HYDIN: variants seen among roughly 807,000 people sequenced by gnomAD.
HYDIN encodes the protein axonemal central pair apparatus protein HYDIN.
A neutral mutation model predicts 403.9 loss-of-function variants in HYDIN; 132 were observed. The observed-to-expected ratio is 0.33, with a 90% confidence interval of 0.28 to 0.38. The LOEUF is 0.38. HYDIN is among the 10% of genes least tolerant of loss of function. The pLI, the probability that HYDIN is intolerant of heterozygous loss-of-function variation, is 1.00. For synonymous variants in HYDIN, 1,202 were observed against 1,891.7 expected, an observed-to-expected ratio of 0.64 and a Z score of 9.46; for missense variants, 2,827 against 5,009.5, an observed-to-expected ratio of 0.56 and a Z score of 13.15.
At chr16:71,175,977 T>C (rs570185311) in intron 4 of HYDIN, 16 of 522,262 alleles carry the variant, frequency 3.1e-5, no homozygotes, top group East Asian at 2.9e-4. Flanking sequence ...TTTATTATTA[T>C]TACAAGTCTT....
chr16:71,224,807 C>T (rs977973096), intron 1 of HYDIN, among the ~76,000 whole-genome samples: 9 of 151,974 alleles, frequency 5.9e-5, no homozygotes, highest in Non-Finnish European at 8.8e-5. Context: ...GTGATCCGCC[C>T]GCCTCGGCCT....
intron 44 of HYDIN, among the ~76,000 whole-genome samples, chr16:70,936,966 G>A (rs1218407687): frequency 1.3e-5 from 2 of 151,034 alleles, no homozygotes; most frequent in East Asian, 1.9e-4. Flanking sequence ...CCCTGCTGCT[G>A]ACAGCAGAGA....
At chr16:71,033,163 A>C (rs1008553785) in intron 18 of HYDIN, among the ~76,000 whole-genome samples, 2 of 152,000 alleles carry the variant, frequency 1.3e-5, no homozygotes, top group African/African-American at 4.8e-5. Context: ...CATTAGTGAG[A>C]CCAATATTTC....
intron 21 of HYDIN, among the ~76,000 whole-genome samples, chr16:71,021,648 T>C (rs2080499169): frequency 6.6e-6 from 1 of 152,088 alleles, no homozygotes; most frequent in African/African-American, 2.4e-5. Context: ...GAGGGTTCTT[T>C]AGTATCATCA....
chr16:71,191,211 A>AT (rs1280191839), intron 1 of HYDIN, among the ~76,000 whole-genome samples: 1 of 152,160 alleles, frequency 6.6e-6, no homozygotes, highest in East Asian at 1.9e-4. Flanking sequence ...TAGTGTTGCT[A>AT]TTGTTGTTGT....
chr16:71,058,968 ATTTCT>A (rs2081992698), intron 18 of HYDIN, among the ~76,000 whole-genome samples: 1 of 152,166 alleles, frequency 6.6e-6, no homozygotes, highest in African/African-American at 2.4e-5. Context: ...TCTTAATAAC[ATTTCT>A]TTTCTCTAGC....
At chr16:71,019,605 G>A (rs1359321020) in intron 22 of HYDIN, among the ~76,000 whole-genome samples, 2 of 152,246 alleles carry the variant, frequency 1.3e-5, no homozygotes, top group African/African-American at 4.8e-5. Context: ...ATGTTTTGAA[G>A]ATTGACTTAA....
At chr16:70,854,322 C>T (rs1000110036) in intron 73 of HYDIN, among the ~76,000 whole-genome samples, 3 of 149,536 alleles carry the variant, frequency 2.0e-5, no homozygotes, top group African/African-American at 7.4e-5. Flanking sequence ...GCAACCTCTG[C>T]CTCCTGGGTT....
In HYDIN at chr16:71,040,134, A is replaced by C. The variant is rs1312659138; in HGVS notation, c.2530-8217T>G. 4.6e-5 allele frequency among the ~76,000 whole-genome samples: 7 copies of C among 151,962 alleles called. 1 individual carries two copies. ...GTGCACTCCCACCTGTGAGGGGTGG[A>C]GTGCAGCAGGTCCCAGTAAGTGGAG... On this transcript the variant is annotated intron_variant, in intron 18 of 85. Coordinates refer to ENST00000393567, the MANE Select transcript of HYDIN (RefSeq NM_001270974.2).
At chr16:71,071,350 T>C (rs564955061) in intron 13 of HYDIN, among the ~76,000 whole-genome samples, 7 of 152,168 alleles carry the variant, frequency 4.6e-5, no homozygotes, top group East Asian at 1.9e-4. Context: ...TGTTAAAGAC[T>C]GAAGGTCATT....
At chr16:71,115,906 T>C in intron 9 of HYDIN, 111 bp from the exon 10 acceptor site, 1 of 632,348 alleles carries the variant, frequency 1.6e-6, no homozygotes, top group Non-Finnish European at 2.8e-6. Context: ...AAATTGTATA[T>C]GTTTAAGGTA....
chr16:70,968,731 C>T (rs1159883143), intron 36 of HYDIN, among the ~76,000 whole-genome samples: 8 of 152,310 alleles, frequency 5.3e-5, no homozygotes, highest in African/African-American at 1.4e-4. Flanking sequence ...ATACCAAAAA[C>T]GCCCAGGTTT....
chr16:71,062,008 T>C (rs960118472), intron 17 of HYDIN, among the ~76,000 whole-genome samples, 161 bp downstream of exon 17: 1 of 152,166 alleles, frequency 6.6e-6, no homozygotes, highest in East Asian at 1.9e-4. Context: ...TAAAGTCACA[T>C]AGCACCGGTA....
At chr16:71,008,267 C>T (rs1485342198) in intron 23 of HYDIN, among the ~76,000 whole-genome samples, 1 of 152,074 alleles carries the variant, frequency 6.6e-6, no homozygotes, top group Admixed American at 6.5e-5. Flanking sequence ...CAAATCTGCA[C>T]ATGTATCCCC....
At chr16:71,023,849 C>T (rs2080586515) in intron 21 of HYDIN, among the ~76,000 whole-genome samples, 1 of 150,856 alleles carries the variant, frequency 6.6e-6, no homozygotes, top group African/African-American at 2.4e-5. Flanking sequence ...GAATCCACTA[C>T]CAAAATAAAT....
chr16:71,206,335 C>T (rs2088297999), intron 1 of HYDIN, among the ~76,000 whole-genome samples: 1 of 152,124 alleles, frequency 6.6e-6, no homozygotes, highest in African/African-American at 2.4e-5. Flanking sequence ...TCCTCTAAGA[C>T]CCAGAAGACT....
In HYDIN at chr16:71,223,845, T is replaced by C. The variant is rs186066792; in HGVS notation, c.-24+6717A>G. Among the ~76,000 whole-genome samples, 3 of 152,298 alleles carry C rather than the reference T, an allele frequency of 2.0e-5. No individual in the cohort carries two copies. The East Asian group carries it at 5.8e-4, about 29-fold the overall frequency. ...AAAACAATAGATGTTGGTTGGGATG[T>C]GGTGAAAAGGGAATACTTCTACACT... is the stretch of plus-strand genomic sequence containing the variant. On this transcript the variant is annotated intron_variant, in intron 1 of 85. Coordinates refer to ENST00000393567, the MANE Select transcript of HYDIN (RefSeq NM_001270974.2).
intron 1 of HYDIN, among the ~76,000 whole-genome samples, chr16:71,211,671 A>C (rs1053863346): frequency 6.6e-6 from 1 of 151,748 alleles, no homozygotes; most frequent in African/African-American, 2.4e-5. Context: ...TCTCCCCTGG[A>C]GGAAGGCACC....
intron 23 of HYDIN, among the ~76,000 whole-genome samples, chr16:70,999,968 G>C (rs1795309379): frequency 6.6e-6 from 1 of 152,042 alleles, no homozygotes; most frequent in South Asian, 2.1e-4. Flanking sequence ...CATGATCTTA[G>C]AAAGGCTGCC....
Sources: gnomAD v4.1 joint callset for allele counts (sites outside exome capture counted in the v4.1 genomes callset) on GRCh38, gnomAD v4.1.1 for gene constraint, MANE v1.5 for transcripts, NCBI Gene and HGNC (gene_info 2026-07-23, HGNC 2026-07-21) for gene names.